NLGN3: variants seen among roughly 807,000 people sequenced by gnomAD.
NLGN3 encodes neuroligin 3.
NLGN3 carries 11 observed loss-of-function variants against 42.9 expected under a neutral mutation model. That is an observed-to-expected ratio of 0.26 (90% CI 0.16 to 0.42). NLGN3 has a LOEUF of 0.42. NLGN3 is among the 10% of genes least tolerant of loss of function. NLGN3 has a pLI of 1.00. For synonymous variants in NLGN3, 279 were observed against 312.7 expected, an observed-to-expected ratio of 0.89 and a Z score of 1.14; for missense variants, 374 against 733.8, an observed-to-expected ratio of 0.51 and a Z score of 5.67.
At position 71,169,588 on chromosome X, in the gene NLGN3, A is replaced by G; in HGVS notation, c.2038A>G (p.Asn680Asp). The stretch of plus-strand genomic sequence containing the variant: ...GCCAGCCATCTCACCTGCCTACAGC[A>G]ACGAGAATGCCCAGGGGTCCTGGAA... ...KRPAISPAYS[N>D]ENAQGSWNGD... is the part of the protein sequence containing the mutation. Residue 680 changes from asparagine (N) to aspartate (D), a missense_variant, in exon 8 of 8, where the codon AAC becomes GAC. This residue lies in a region of NLGN3 where 142 missense variants were observed against 359.1 expected (regional missense o/e 0.40). Transcript: ENST00000358741. 1 of 1,210,514 alleles carries G rather than the reference A, an allele frequency of 8.3e-7. No individual in the cohort carries two copies. Among genetic ancestry groups the G allele is most frequent in the Middle Eastern group, 2.3e-4 (1 of 4,353 alleles).
rs1225204270 is a variant in NLGN3, at chrX:71,167,112, G to A, written c.1015G>A (p.Gly339Ser). 2.5e-6 allele frequency: 3 copies of A among 1,210,302 alleles called. No individual in the cohort carries two copies. The highest frequency in any genetic ancestry group is 3.4e-6 in the Non-Finnish European group (3 of 895,246). The change falls in exon 7 of 8, where the codon GGC becomes AGC. Residue 339 changes from glycine to serine, a missense_variant. Gly to Ser is a moderately conservative substitution (Grantham distance 56, BLOSUM62 0). Coordinates refer to ENST00000358741, the MANE Select transcript of NLGN3 (RefSeq NM_181303.2). ...KYTSLLADKV[G>S]CNVLDTVDMV... ...CACCAGCCTGCTGGCAGACAAAGTG[G>A]GCTGTAATGTGCTGGACACCGTGGA...
intron 4 of NLGN3, among the ~76,000 whole-genome samples, chrX:71,154,810 C>A (rs1195472596): frequency 9.0e-6 from 1 of 111,462 alleles, no homozygotes; most frequent in Non-Finnish European, 1.9e-5. Context: ...TTCAGGGCTC[C>A]CCAGCTCCTG....
At chrX:71,149,508 A>C (rs1332447283) in intron 3 of NLGN3, among the ~76,000 whole-genome samples, 2 of 111,444 alleles carry the variant, frequency 1.8e-5, no homozygotes, top group Admixed American at 1.9e-4. Context: ...TTTTAAATTT[A>C]CCCTCATGCT....
chrX:71,172,012 A>G (rs7052814), downstream of NLGN3, among the ~76,000 whole-genome samples: 346 of 111,942 alleles, frequency 3.1e-3, no homozygotes, highest in Middle Eastern at 9.2e-3. Flanking sequence ...GAACCATCAC[A>G]AGGAGGACCA....
intron 4 of NLGN3, 31 bp downstream of exon 4, chrX:71,153,567 G>C (rs770363413): frequency 8.7e-7 from 1 of 1,154,375 alleles, no homozygotes; most frequent in Non-Finnish European, 1.2e-6. Flanking sequence ...GCGGCGGCTG[G>C]TGCATGGCAC....
At chrX:71,165,814 G>A (rs930221475) in intron 6 of NLGN3, among the ~76,000 whole-genome samples, 3 of 111,825 alleles carry the variant, frequency 2.7e-5, no homozygotes, top group Middle Eastern at 4.6e-3. Context: ...GATTACAGGC[G>A]TGAGCCACTG....
intron 5 of NLGN3, among the ~76,000 whole-genome samples, chrX:71,161,679 CAGA>C (rs975342014): frequency 9.9e-5 from 11 of 111,382 alleles, no homozygotes; most frequent in Admixed American, 7.6e-4. Context: ...AAGGCTGAGA[CAGA>C]AGAATCACTT....
chrX:71,169,387 C>T lies in NLGN3; in HGVS notation c.1837C>T (p.Arg613Ter). 1.7e-6 allele frequency: 2 copies of T among 1,205,901 alleles called. No individual in the cohort carries two copies. The highest frequency in any genetic ancestry group is 2.2e-6 in the Non-Finnish European group (2 of 892,379). ...YLHIGLKPRVRDHYRATKVAF... is the reference protein window; with the variant it reads ...YLHIGLKPRV Reference sequence around the variant, plus strand: ...TCACATCGGGCTGAAACCAAGGGTCCGAGATCATTACCGGGCCACTAAGGT... The same window carrying T: ...TCACATCGGGCTGAAACCAAGGGTCTGAGATCATTACCGGGCCACTAAGGT... Residue 613 changes from arginine to a stop codon, truncating the protein, a stop_gained, in exon 8 of 8, where the codon CGA (arginine) becomes TGA (stop). Coordinates refer to ENST00000358741, the MANE Select transcript of NLGN3 (RefSeq NM_181303.2). LOFTEE classifies it high-confidence loss of function.
chrX:71,173,488 T>C (rs1431790942), downstream of NLGN3, among the ~76,000 whole-genome samples: 2 of 112,462 alleles, frequency 1.8e-5, no homozygotes, highest in African/African-American at 6.5e-5. Context: ...AGCTCCTTGT[T>C]TGAAGTGAAG....
chrX:71,170,948 C>A lies in NLGN3; in HGVS notation c.*851C>A. On this transcript the variant is annotated 3_prime_UTR_variant, in exon 8 of 8. Coordinates refer to ENST00000358741, the MANE Select transcript of NLGN3 (RefSeq NM_181303.2). Reference sequence around the variant, plus strand: ...CTATGGAAGCCACATCACTATTGGGCCCCCAGGTCTGATCTGGGTTTTGCC... The same window carrying A: ...CTATGGAAGCCACATCACTATTGGGACCCCAGGTCTGATCTGGGTTTTGCC... 2.7e-6 allele frequency: 2 copies of A among 754,517 alleles called. No homozygotes were observed. Among genetic ancestry groups the A allele is most frequent in the Non-Finnish European group, 3.1e-6 (2 of 639,274 alleles). The allele number at this position is 754,517 out of a possible 1,213,427, so 62.2% of individuals were successfully genotyped here. A position where few individuals can be genotyped will look rare whatever the true frequency, so the allele number is the denominator to read the frequency against.
intron 1 of NLGN3, among the ~76,000 whole-genome samples, chrX:71,145,280 C>G (rs1302145190): frequency 2.0e-5 from 2 of 99,152 alleles, no homozygotes; most frequent in Non-Finnish European, 4.1e-5. Flanking sequence ...TGCCAGTCCC[C>G]CCTCCCCTGC....
At chrX:71,164,611 G>A (rs908331881) in intron 6 of NLGN3, among the ~76,000 whole-genome samples, 1 of 112,451 alleles carries the variant, frequency 8.9e-6, no homozygotes, top group African/African-American at 3.2e-5. Context: ...TGTCCCCTCA[G>A]AGGACAATAG....
At chrX:71,157,113 G>T (rs956851090) in intron 5 of NLGN3, among the ~76,000 whole-genome samples, 1 of 110,373 alleles carries the variant, frequency 9.1e-6, no homozygotes, top group Non-Finnish European at 1.9e-5. Context: ...AGGCATATGG[G>T]TGCTAAACCA....
chrX:71,161,061 G>C (rs2092428040), intron 5 of NLGN3, among the ~76,000 whole-genome samples: 1 of 110,096 alleles, frequency 9.1e-6, no homozygotes, highest in Admixed American at 9.7e-5. Context: ...CAGGTTTGCT[G>C]TCATCTTCCT....
At chrX:71,174,644 T>C (rs1437258165), downstream of NLGN3, among the ~76,000 whole-genome samples, 1 of 111,691 alleles carries the variant, frequency 9.0e-6, no homozygotes, top group African/African-American at 3.3e-5. Context: ...CCACAGCGTA[T>C]CTAGAGTTCA....
intron 6 of NLGN3, 78 bp from the exon 7 acceptor site, chrX:71,166,933 T>G (rs2092449156): frequency 5.4e-6 from 5 of 917,872 alleles, no homozygotes; most frequent in Non-Finnish European, 7.6e-6. Context: ...TGGGGCAGCC[T>G]CAGTGACAAA....
chrX:71,166,931 C>T (rs1602329043), intron 6 of NLGN3, 80 bp from the exon 7 acceptor site: 1 of 903,812 alleles, frequency 1.1e-6, no homozygotes, highest in East Asian at 3.4e-5. Flanking sequence ...CATGGGGCAG[C>T]CTCAGTGACA....
At chrX:71,151,313 A>C (rs1481724370) in intron 3 of NLGN3, among the ~76,000 whole-genome samples, 1 of 110,981 alleles carries the variant, frequency 9.0e-6, no homozygotes, top group African/African-American at 3.3e-5. Flanking sequence ...CCATCTAAAA[A>C]AAGAAAAAAA....
intron 7 of NLGN3, among the ~76,000 whole-genome samples, chrX:71,168,821 A>AAAGAAAGAAAGAAAGAAAGAAAG (rs55840427): frequency 1.4e-5 from 1 of 69,352 alleles, no homozygotes; most frequent in Non-Finnish European, 2.5e-5. Context: ...AGAGAAAAAA[A>AAAGAAAGAAAGAAAGAAAGAAAG]AAAGAAAGAA....
Sources: gnomAD v4.1 joint callset for allele counts (sites outside exome capture counted in the v4.1 genomes callset) on GRCh38, gnomAD v4.1.1 for gene constraint, gnomAD v4.1.1 regional missense constraint, MANE v1.5 for transcripts, NCBI Gene and HGNC (gene_info 2026-07-23, HGNC 2026-07-21) for gene names.